GPC6: variants seen among roughly 807,000 people sequenced by gnomAD.
GPC6 encodes the protein glypican-6.
In GPC6, 14 loss-of-function variants were observed where a neutral mutation model predicts 55.2. The ratio of observed to expected loss-of-function variants is 0.25; its 90% CI spans 0.17 to 0.40. The LOEUF is 0.40. GPC6 is among the 10% of genes least tolerant of loss of function. The pLI, the probability that GPC6 is intolerant of heterozygous loss-of-function variation, is 1.00. For synonymous variants in GPC6, 278 were observed against 259.6 expected (o/e 1.07, Z -0.68); for missense variants, 641 against 708.5 (o/e 0.90, Z 1.08).
At chr13:93,929,740 G>T (rs1295258490) in intron 3 of GPC6, among the ~76,000 whole-genome samples, 2 of 146,892 alleles carry the variant, frequency 1.4e-5, no homozygotes, top group East Asian at 2.0e-4. Context: ...ATTAAACAAA[G>T]TAAAAAAAAA....
chr13:94,107,886 A>G (rs1886113047), intron 4 of GPC6, among the ~76,000 whole-genome samples: 1 of 152,086 alleles, frequency 6.6e-6, no homozygotes, highest in Admixed American at 6.6e-5. Flanking sequence ...AAATTTTAAA[A>G]AATAGATGTT....
chr13:94,288,938 G>GTTCTATATATAACAA (rs1566638399), intron 5 of GPC6, among the ~76,000 whole-genome samples: 1 of 18,756 alleles, frequency 5.3e-5, no homozygotes, highest in Non-Finnish European at 1.4e-4. Flanking sequence ...AATATAGATA[G>GTTCTATATATAACAA]ATAGATAGAT....
At chr13:93,873,467 G>T (rs1889192586) in intron 3 of GPC6, among the ~76,000 whole-genome samples, 1 of 151,830 alleles carries the variant, frequency 6.6e-6, no homozygotes, top group Admixed American at 6.6e-5. Flanking sequence ...CAACTGGGGA[G>T]ATTTTATATT....
intron 1 of GPC6, among the ~76,000 whole-genome samples, chr13:93,515,078 G>A (rs1881134286): frequency 6.6e-6 from 1 of 152,108 alleles, no homozygotes; most frequent in Admixed American, 6.6e-5. Context: ...AGAAAACAGA[G>A]AGCTTGTCTC....
intron 2 of GPC6, among the ~76,000 whole-genome samples, chr13:93,665,357 A>T (rs1325856301): frequency 6.6e-6 from 1 of 152,218 alleles, no homozygotes; most frequent in Non-Finnish European, 1.5e-5. Flanking sequence ...TATGTAAAGT[A>T]CTATCTCATT....
intron 1 of GPC6, among the ~76,000 whole-genome samples, chr13:93,289,527 A>G (rs1029281898): frequency 5.9e-5 from 9 of 152,196 alleles, no homozygotes; most frequent in Admixed American, 2.0e-4. Context: ...AACAATTTAT[A>G]TGTAGTATAT....
intron 2 of GPC6, among the ~76,000 whole-genome samples, chr13:93,798,688 G>A (rs189596164): frequency 6.6e-6 from 1 of 152,180 alleles, no homozygotes; most frequent in East Asian, 1.9e-4. Flanking sequence ...GGAGGCTGAG[G>A]CAGGCAGATC....
intron 4 of GPC6, among the ~76,000 whole-genome samples, chr13:94,195,275 C>T (rs1445189947): frequency 6.6e-6 from 1 of 152,124 alleles, no homozygotes; most frequent in Non-Finnish European, 1.5e-5. Flanking sequence ...AAGACCTTTC[C>T]CCTTAACCAA....
intron 4 of GPC6, among the ~76,000 whole-genome samples, chr13:94,038,251 G>A (rs1849676009): frequency 6.6e-6 from 1 of 151,812 alleles, no homozygotes; most frequent in African/African-American, 2.4e-5. Flanking sequence ...TATTGGACAG[G>A]CAGGCTTAGA....
intron 3 of GPC6, among the ~76,000 whole-genome samples, chr13:93,967,842 T>C (rs1880114482): frequency 1.3e-5 from 2 of 152,134 alleles, no homozygotes; most frequent in Admixed American, 1.3e-4. Context: ...AACATAGATA[T>C]CAGAACTTAT....
At chr13:93,339,197 C>T (rs1407488943) in intron 1 of GPC6, among the ~76,000 whole-genome samples, 3 of 152,004 alleles carry the variant, frequency 2.0e-5, no homozygotes, top group Non-Finnish European at 2.9e-5. Flanking sequence ...AAATTTGTTC[C>T]TCCTCTATCT....
chr13:94,255,975 C>T (rs1332868069), intron 4 of GPC6, among the ~76,000 whole-genome samples: 1 of 152,064 alleles, frequency 6.6e-6, no homozygotes, highest in African/African-American at 2.4e-5. Flanking sequence ...AATCACAGGT[C>T]CCATCGCAGA....
At chr13:93,375,134 G>A (rs1445212109) in intron 1 of GPC6, among the ~76,000 whole-genome samples, 3 of 152,036 alleles carry the variant, frequency 2.0e-5, no homozygotes, top group Non-Finnish European at 4.4e-5. Flanking sequence ...ATGGTATCAG[G>A]CCTAATTAAT....
chr13:93,886,406 A>G (rs984102027), intron 3 of GPC6, among the ~76,000 whole-genome samples: 12 of 152,046 alleles, frequency 7.9e-5, no homozygotes, highest in South Asian at 2.1e-4. Context: ...GGCTGTCCCC[A>G]GTGCAGATTC....
chr13:93,896,658 G>T (rs976950821), intron 3 of GPC6, among the ~76,000 whole-genome samples: 5 of 152,080 alleles, frequency 3.3e-5, no homozygotes, highest in African/African-American at 1.2e-4. Flanking sequence ...AAATAAGGCA[G>T]ACAGACTAAT....
At chr13:94,382,118 C>T (rs921576764) in intron 6 of GPC6, among the ~76,000 whole-genome samples, 4 of 152,102 alleles carry the variant, frequency 2.6e-5, no homozygotes, top group Admixed American at 6.6e-5. Context: ...GGAGAGGGAC[C>T]CGAAGCCAGG....
At chr13:93,754,950 C>G (rs1395796488) in intron 2 of GPC6, among the ~76,000 whole-genome samples, 1 of 152,086 alleles carries the variant, frequency 6.6e-6, no homozygotes, top group African/African-American at 2.4e-5. Flanking sequence ...CATAAGTATA[C>G]CAGTTTCTAT....
intron 4 of GPC6, among the ~76,000 whole-genome samples, chr13:94,070,006 T>C (rs1251777650): frequency 1.3e-5 from 2 of 152,162 alleles, no homozygotes; most frequent in Admixed American, 6.5e-5. Flanking sequence ...TGCTACCAAT[T>C]TACTGTATTA....
chr13:94,314,828 C>G (rs770417215), intron 6 of GPC6, among the ~76,000 whole-genome samples: 4 of 152,164 alleles, frequency 2.6e-5, no homozygotes, highest in Non-Finnish European at 4.4e-5. Context: ...CAGCTTCTAA[C>G]AGACTCTGGG....
Sources: allele counts gnomAD v4.1 joint callset (sites outside exome capture counted in the v4.1 genomes callset), GRCh38; gene constraint gnomAD v4.1.1; transcripts MANE v1.5; gene names NCBI Gene and HGNC (gene_info 2026-07-23, HGNC 2026-07-21).